Variants in LARGE1 observed in about 807,000 individuals in gnomAD.
LARGE1 encodes LARGE xylosyl- and glucuronyltransferase 1.
Under a neutral mutation model 87.6 loss-of-function variants are expected in LARGE1, and 43 were observed. The ratio of observed to expected loss-of-function variants is 0.49; its 90% CI spans 0.38 to 0.63. The LOEUF (loss-of-function observed/expected upper bound fraction) is 0.63, where lower values mean the gene tolerates loss of function less well. Among genes scored for constraint, LARGE1 ranks in the 30% least tolerant of loss-of-function variants. The pLI is 0.00. For missense variants in LARGE1, 802 were observed against 1,000.2 expected, an observed-to-expected ratio of 0.80 and a Z score of 2.67; for synonymous variants, 434 against 394.6, an observed-to-expected ratio of 1.10 and a Z score of -1.18.
chr22:33,561,195 T>C (rs570872604), intron 6 of LARGE1, among the ~76,000 whole-genome samples: 1 of 152,288 alleles, frequency 6.6e-6, no homozygotes, highest in East Asian at 1.9e-4. Flanking sequence ...TTCCCTCTGT[T>C]TTACAAACAC....
At chr22:33,283,096 C>T in intron 13 of LARGE1, 106 bp downstream of exon 13, 1 of 1,423,616 alleles carries the variant, frequency 7.0e-7, no homozygotes, top group Non-Finnish European at 9.9e-7. Flanking sequence ...TCACAATGGA[C>T]TAAGGCGAGC....
intron 6 of LARGE1, among the ~76,000 whole-genome samples, chr22:33,476,774 C>T (rs1389324496): frequency 6.6e-6 from 1 of 151,932 alleles, no homozygotes; most frequent in Non-Finnish European, 1.5e-5. Context: ...CATTCATGAC[C>T]AGATCATAAG....
intron 6 of LARGE1, among the ~76,000 whole-genome samples, chr22:33,554,627 T>C (rs942277305): frequency 6.6e-6 from 1 of 152,196 alleles, no homozygotes; most frequent in Non-Finnish European, 1.5e-5. Flanking sequence ...CAGTGGTCTT[T>C]TGCTGAGACT....
At position 33,718,516 on chromosome 22, in the gene LARGE1, A is replaced by G. The variant is rs181319630; in HGVS notation, c.106+42855T>C. Among the ~76,000 whole-genome samples, 363 of 152,370 alleles carry G rather than the reference A, an allele frequency of 2.4e-3. 4 individuals carry two copies. Among genetic ancestry groups the G allele is most frequent in the Non-Finnish European group, 1.7e-3 (113 of 68,036 alleles). On this transcript the variant is annotated intron_variant, in intron 2 of 14. Transcript: ENST00000397394. ...GGTAGTCACAGAAGCTGAAGCCATG[A>G]TTTTTAATAGACATAGGTTCTTATT...
intron 1 of LARGE1, among the ~76,000 whole-genome samples, chr22:33,774,575 C>G (rs1251231879): frequency 6.6e-6 from 1 of 152,144 alleles, no homozygotes; most frequent in Non-Finnish European, 1.5e-5. Flanking sequence ...CCAGGCTGGT[C>G]TCGAACTCCT....
intron 6 of LARGE1, among the ~76,000 whole-genome samples, chr22:33,469,478 C>T (rs1261743124): frequency 6.6e-6 from 1 of 152,084 alleles, no homozygotes; most frequent in Non-Finnish European, 1.5e-5. Context: ...ACTGAGTTTA[C>T]ATGAACACAA....
intron 6 of LARGE1, among the ~76,000 whole-genome samples, chr22:33,524,302 A>T (rs918988389): frequency 2.7e-5 from 4 of 147,780 alleles, no homozygotes; most frequent in African/African-American, 7.5e-5. Context: ...AAAAAAAAAA[A>T]TAATAATAAT....
intron 6 of LARGE1, among the ~76,000 whole-genome samples, chr22:33,479,161 C>T (rs1464967327): frequency 6.6e-6 from 1 of 152,202 alleles, no homozygotes; most frequent in Non-Finnish European, 1.5e-5. Context: ...GCGAGGTCTC[C>T]CATGCACCCC....
At chr22:33,415,509 A>G (rs1056999220) in intron 7 of LARGE1, among the ~76,000 whole-genome samples, 5 of 152,194 alleles carry the variant, frequency 3.3e-5, no homozygotes, top group Non-Finnish European at 2.9e-5. Context: ...CTTCTAGAAC[A>G]GTGGCTTTTG....
chr22:33,916,387 T>C (rs1418026037), intron 1 of LARGE1, among the ~76,000 whole-genome samples: 1 of 152,176 alleles, frequency 6.6e-6, no homozygotes, highest in African/African-American at 2.4e-5. Context: ...ACACAGAGCA[T>C]GGCACCTGCC....
intron 3 of LARGE1, 112 bp downstream of exon 3, chr22:33,650,255 A>T: frequency 7.3e-7 from 1 of 1,365,188 alleles, no homozygotes; most frequent in South Asian, 1.2e-5. Flanking sequence ...CCGGGCTAGA[A>T]TCAAGAATGC....
At chr22:33,776,361 A>G (rs892551845) in intron 1 of LARGE1, among the ~76,000 whole-genome samples, 2 of 152,222 alleles carry the variant, frequency 1.3e-5, no homozygotes, top group African/African-American at 4.8e-5. Flanking sequence ...GGGAGGAAAG[A>G]ATCGAGAAGT....
At chr22:33,435,990 G>A (rs1031378010) in intron 6 of LARGE1, among the ~76,000 whole-genome samples, 23 of 152,228 alleles carry the variant, frequency 1.5e-4, no homozygotes, top group African/African-American at 4.8e-4. Flanking sequence ...AAGGGTAAGC[G>A]ATGTTGCTTA....
intron 5 of LARGE1, among the ~76,000 whole-genome samples, chr22:33,603,245 G>A (rs966559879): frequency 6.6e-6 from 1 of 152,138 alleles, no homozygotes; most frequent in African/African-American, 2.4e-5. Flanking sequence ...AAAGATAATG[G>A]CTTTATGAGG....
intron 6 of LARGE1, among the ~76,000 whole-genome samples, chr22:33,506,403 T>C (rs905232837): frequency 1.3e-5 from 2 of 152,148 alleles, no homozygotes; most frequent in Non-Finnish European, 2.9e-5. Context: ...GACATGCTGT[T>C]CCTGTGTCCT....
At chr22:33,610,415 T>A (rs762534061) in intron 4 of LARGE1, among the ~76,000 whole-genome samples, 4 of 152,210 alleles carry the variant, frequency 2.6e-5, no homozygotes, top group Non-Finnish European at 5.9e-5. Context: ...TAGCAAAGAA[T>A]GTGACTGTAT....
chr22:33,641,421 A>C (rs962514263), intron 3 of LARGE1, among the ~76,000 whole-genome samples: 1 of 152,226 alleles, frequency 6.6e-6, no homozygotes, highest in Non-Finnish European at 1.5e-5. Context: ...ACGAAGATGA[A>C]GAAAAACCAC....
At chr22:33,233,645 C>T (rs899648928) in intron 11 of LARGE1, among the ~76,000 whole-genome samples, 1 of 152,092 alleles carries the variant, frequency 6.6e-6, no homozygotes, top group Admixed American at 6.6e-5. Flanking sequence ...GAACACCTAG[C>T]TTCAATGTTG....
chr22:33,392,464 G>C (rs2065565400), intron 7 of LARGE1, among the ~76,000 whole-genome samples: 1 of 152,138 alleles, frequency 6.6e-6, no homozygotes, highest in Non-Finnish European at 1.5e-5. Context: ...TTCGAGACCA[G>C]CCTGGTCAAT....
Sources: allele counts gnomAD v4.1 joint callset (sites outside exome capture counted in the v4.1 genomes callset), GRCh38; gene constraint gnomAD v4.1.1; transcripts MANE v1.5; gene names NCBI Gene and HGNC (gene_info 2026-07-23, HGNC 2026-07-21).